Variants in OS9 observed in about 807,000 individuals in gnomAD.
The protein encoded by OS9 is OS9 endoplasmic reticulum lectin.
Under a neutral mutation model 84.7 loss-of-function variants are expected in OS9, and 58 were observed. That is an observed-to-expected ratio of 0.68 (90% CI 0.55 to 0.85). The LOEUF (loss-of-function observed/expected upper bound fraction) is 0.85, where lower values mean the gene tolerates loss of function less well. Among genes scored for constraint, OS9 ranks in the 40% least tolerant of loss-of-function variants. The probability of loss-of-function intolerance (pLI) is 0.00; values close to 1 mark genes in which losing one functional copy is unlikely to be tolerated. For synonymous variants in OS9, 278 were observed against 320.8 expected (o/e 0.87, Z 1.43); for missense variants, 760 against 850.9 (o/e 0.89, Z 1.33).
intron 5 of OS9, among the ~76,000 whole-genome samples, chr12:57,708,782 T>C (rs1051545636): frequency 1.3e-5 from 2 of 152,238 alleles, no homozygotes; most frequent in Non-Finnish European, 2.9e-5. Context: ...AATAATCTTG[T>C]ACTTACAGAG....
At chr12:57,702,059 T>G (rs1323442542) in intron 5 of OS9, among the ~76,000 whole-genome samples, 1 of 152,176 alleles carries the variant, frequency 6.6e-6, no homozygotes, top group Admixed American at 6.5e-5. Context: ...CCTCCCAAAG[T>G]GCTGGGATTA....
At position 57,717,889 on chromosome 12, in the gene OS9, G is replaced by C. The variant is rs781400828; in HGVS notation, c.1065G>C (p.Gln355His). The change falls in exon 10 of 15, where the codon CAG becomes CAC. Residue 355 changes from glutamine (Q) to histidine (H), a missense_variant. Physicochemically the swap from Gln to His is conservative, Grantham distance 24. Transcript: ENST00000315970. ...TCTCAGATTTTCAGAACAACGTGCA[G>C]GTCAAAGTCATTCGAAGCCCTGCGG... ...GAPNDFQNNV[Q>H]VKVIRSPADL... is the part of the protein sequence containing the mutation. 7 of 1,611,844 alleles carry C rather than the reference G, an allele frequency of 4.3e-6. No individual in the cohort carries two copies. The Admixed American group carries it at 1.0e-4, about 23-fold the overall frequency.
intron 5 of OS9, among the ~76,000 whole-genome samples, chr12:57,713,097 C>G (rs1433122000): frequency 6.6e-6 from 1 of 152,170 alleles, no homozygotes; most frequent in African/African-American, 2.4e-5. Flanking sequence ...TGCCCTTTCC[C>G]TGGTTCTCTC....
chr12:57,715,799 A>G lies in OS9; in HGVS notation c.619A>G (p.Ile207Val), dbSNP rs746542294. 2.5e-5 allele frequency: 41 copies of G among 1,613,552 alleles called. No individual in the cohort carries two copies. The South Asian group carries it at 4.3e-4, about 17-fold the overall frequency. Residue 207 changes from isoleucine to valine, a missense_variant, in exon 6 of 15, where the codon ATC becomes GTC. Coordinates refer to ENST00000315970, the MANE Select transcript of OS9 (RefSeq NM_006812.4). ...GGGTGCAGGTATCTCTGGGGACTAC[A>G]TCGATCGCGTGGACGAGCCCTTGTC... is the stretch of plus-strand genomic sequence containing the variant. ...DEGAGISGDY[I>V]DRVDEPLSCS... is the part of the protein sequence containing the mutation.
intron 5 of OS9, among the ~76,000 whole-genome samples, chr12:57,708,953 A>G (rs1954251452): frequency 6.6e-6 from 1 of 152,178 alleles, no homozygotes; most frequent in Non-Finnish European, 1.5e-5. Flanking sequence ...AGCCGTGCCA[A>G]CCTGGTATAT....
chr12:57,711,496 G>A (rs552650160), intron 5 of OS9, among the ~76,000 whole-genome samples: 83 of 151,876 alleles, frequency 5.5e-4, no homozygotes, highest in Middle Eastern at 6.8e-3. Flanking sequence ...ACAGGTGTGC[G>A]CCACCACACC....
rs776900555 is a variant in OS9 at position 57,694,155 on chromosome 12, A to AC, written c.-6dup. On this transcript the variant is annotated 5_prime_UTR_variant, in exon 1 of 15. Transcript: ENST00000315970. Reference sequence around the variant, plus strand: ...ACAGATTCTCTGCATAAGAAGGGGAACGAAAGATGGCGGCGGAAACGCTGC... The same window carrying AC: ...ACAGATTCTCTGCATAAGAAGGGGAACCGAAAGATGGCGGCGGAAACGCTGC... 1.2e-6 allele frequency: 2 copies of AC among 1,614,122 alleles called. No individual in the cohort carries two copies. The highest frequency in any genetic ancestry group is 3.3e-5 in the Admixed American group (2 of 60,026).
chr12:57,695,852 C>A lies in OS9; in HGVS notation c.403+9C>A. The A allele has an allele frequency of 6.2e-7, 1 of 1,604,918 alleles. No homozygotes were observed. The highest frequency in any genetic ancestry group is 8.5e-7 in the Non-Finnish European group (1 of 1,171,540). On this transcript the variant is annotated intron_variant, in intron 3 of 14. Transcript: ENST00000315970. ...GCAATACCACATGGAAGGTAACTCA[C>A]TCCTATATTTTCCTTAAGCCCTTAG...
chr12:57,716,365 C>T, intron 7 of OS9, 47 bp from the exon 8 acceptor site: 2 of 1,470,296 alleles, frequency 1.4e-6, no homozygotes, highest in South Asian at 1.2e-5. Flanking sequence ...TCCCTTCTGT[C>T]TCACCCCTCC....
chr12:57,694,949 G>T, intron 2 of OS9, 23 bp downstream of exon 2: 1 of 1,610,078 alleles, frequency 6.2e-7, no homozygotes, highest in Non-Finnish European at 8.5e-7. Context: ...GGGTTAGATA[G>T]AATGAGGGCT....
intron 5 of OS9, among the ~76,000 whole-genome samples, chr12:57,703,892 T>A (rs1232479079): frequency 6.6e-6 from 1 of 152,238 alleles, no homozygotes; most frequent in Non-Finnish European, 1.5e-5. Context: ...GTTCCTAATC[T>A]TAAGGGAGAA....
At chr12:57,700,203 T>C (rs1006286616) in intron 5 of OS9, among the ~76,000 whole-genome samples, 2 of 148,020 alleles carry the variant, frequency 1.4e-5, no homozygotes, top group Non-Finnish European at 3.0e-5. Context: ...TGCTGGGGGG[T>C]TGAGAGAGGG....
rs114528508 is a variant in OS9 at position 57,706,900 on chromosome 12, A to G, written c.580-8860A>G. Among the ~76,000 whole-genome samples the G allele has an allele frequency of 6.4e-3, 934 of 144,886 alleles. 12 individuals are homozygous for G. Among genetic ancestry groups the G allele is most frequent in the African/African-American group, 0.021 (836 of 39,486 alleles). On this transcript the variant is annotated intron_variant, in intron 5 of 14. Transcript: ENST00000315970. ...GATAAAATAAATCCTCCCCATCCCC[A>G]CAATATGCTACAAAACCGGTATATT...
chr12:57,720,945 ACT>A lies in OS9; in HGVS notation c.*39_*40del, dbSNP rs769559967. 5 of 1,612,128 alleles carry A rather than the reference ACT, an allele frequency of 3.1e-6. No individual in the cohort carries two copies. The highest frequency in any genetic ancestry group is 1.1e-5 in the South Asian group (1 of 90,966). On this transcript the variant is annotated 3_prime_UTR_variant, in exon 15 of 15. Transcript: ENST00000315970. ...ACACTTGACCCTTCACGGAATCCAG[ACT>A]CTTCCTGGACTGGCTTGCCTCCTCC...
chr12:57,707,074 A>T (rs6581154), intron 5 of OS9, among the ~76,000 whole-genome samples: 3 of 152,048 alleles, frequency 2.0e-5, no homozygotes, highest in Non-Finnish European at 4.4e-5. Flanking sequence ...AAAATTACAG[A>T]TTTTTTTGTT....
chr12:57,706,153 C>T (rs891444438), intron 5 of OS9, among the ~76,000 whole-genome samples: 1 of 152,078 alleles, frequency 6.6e-6, no homozygotes, highest in Non-Finnish European at 1.5e-5. Flanking sequence ...TTGCAGATAC[C>T]TTTTATCAGG....
intron 6 of OS9, 36 bp from the exon 7 acceptor site, chr12:57,716,056 G>A: frequency 6.3e-7 from 1 of 1,595,896 alleles, no homozygotes; most frequent in Non-Finnish European, 8.6e-7. Context: ...CTGGAGGAAT[G>A]TGTTCCTGGC....
At chr12:57,709,877 G>A (rs1954277341) in intron 5 of OS9, among the ~76,000 whole-genome samples, 1 of 150,222 alleles carries the variant, frequency 6.7e-6, no homozygotes, top group South Asian at 2.1e-4. Flanking sequence ...TTTTGAGACA[G>A]AGTCTCACTA....
intron 5 of OS9, among the ~76,000 whole-genome samples, 184 bp downstream of exon 5, chr12:57,696,557 A>C (rs564096715): frequency 6.7e-6 from 1 of 150,250 alleles, no homozygotes; most frequent in Non-Finnish European, 1.5e-5. Context: ...GCACTTTGGG[A>C]GGCCGAGGCG....
Sources: gnomAD v4.1 joint callset for allele counts (sites outside exome capture counted in the v4.1 genomes callset) on GRCh38, gnomAD v4.1.1 for gene constraint, MANE v1.5 for transcripts, NCBI Gene and HGNC (gene_info 2026-07-23, HGNC 2026-07-21) for gene names.